Variants in DNAI4 observed in about 807,000 individuals in gnomAD.
DNAI4 encodes WD repeat domain 78.
DNAI4 carries 85 observed loss-of-function variants against 105.8 expected under a neutral mutation model. That is an observed-to-expected ratio of 0.80 (90% CI 0.67 to 0.96). DNAI4 has a LOEUF of 0.96. Among genes scored for constraint, DNAI4 ranks in the 40% least tolerant of loss-of-function variants. DNAI4 has a pLI of 0.00. For synonymous variants in DNAI4, 352 were observed against 331.5 expected (o/e 1.06, Z -0.67); for missense variants, 1,014 against 1,005.6 (o/e 1.01, Z -0.11).
chr1:66,862,837 G>T (rs1269822302), intron 6 of DNAI4, among the ~76,000 whole-genome samples: 1 of 152,164 alleles, frequency 6.6e-6, no homozygotes, highest in African/African-American at 2.4e-5. Context: ...TTGTAGGGCT[G>T]CCTTGGTGAT....
intron 1 of DNAI4, among the ~76,000 whole-genome samples, chr1:66,912,649 C>A (rs916502606): frequency 2.6e-5 from 4 of 152,172 alleles, no homozygotes; most frequent in African/African-American, 7.2e-5. Flanking sequence ...GTGCTCCAAC[C>A]ATCTTCGGCA....
intron 7 of DNAI4, chr1:66,860,794 A>C (rs1004697683): frequency 4.6e-5 from 7 of 152,152 alleles, no homozygotes; most frequent in African/African-American, 1.7e-4. Flanking sequence ...TTCCAGTCTA[A>C]GATTGGATTG....
At chr1:66,887,125 G>A (rs1254091556) in intron 4 of DNAI4, among the ~76,000 whole-genome samples, 1 of 152,128 alleles carries the variant, frequency 6.6e-6, no homozygotes, top group Admixed American at 6.5e-5. Context: ...CCATGTAAGT[G>A]TGGGCCCTCT....
chr1:66,905,233 C>T lies in DNAI4; in HGVS notation c.313G>A (p.Glu105Lys). Residue 105 changes from glutamate (E) to lysine (K), a missense_variant, in exon 2 of 17, where the codon GAA becomes AAA. Coordinates refer to ENST00000371026, the MANE Select transcript of DNAI4 (RefSeq NM_024763.5). ...VLIPPELKTV[E>K]KPNPNIKTTQ... Reference sequence around the variant, plus strand: ...GTCTTTATATTGGGATTTGGTTTTTCTACAGTTTTCAGTTCAGGTGGAATA... The same window carrying T: ...GTCTTTATATTGGGATTTGGTTTTTTTACAGTTTTCAGTTCAGGTGGAATA... 6.4e-7 allele frequency: 1 copy of T among 1,556,748 alleles called. No individual in the cohort carries two copies. The highest frequency in any genetic ancestry group is 2.3e-5 in the East Asian group (1 of 43,910).
chr1:66,852,421 A>G (rs989136126), intron 7 of DNAI4, among the ~76,000 whole-genome samples: 1 of 152,010 alleles, frequency 6.6e-6, no homozygotes, highest in African/African-American at 2.4e-5. Flanking sequence ...GCAAAAAAGA[A>G]AGCTACAAAT....
At chr1:66,877,290 C>A (rs1646977645) in intron 4 of DNAI4, among the ~76,000 whole-genome samples, 2 of 152,158 alleles carry the variant, frequency 1.3e-5, no homozygotes, top group Admixed American at 1.3e-4. Context: ...CATCCAGAGA[C>A]AACCTGTGCA....
intron 7 of DNAI4, among the ~76,000 whole-genome samples, chr1:66,852,268 C>T (rs1055461232): frequency 6.6e-6 from 1 of 151,630 alleles, no homozygotes; most frequent in Non-Finnish European, 1.5e-5. Context: ...AATCACCAAG[C>T]ATGGATGGTT....
chr1:66,830,689 G>C (rs1370479534), intron 13 of DNAI4, among the ~76,000 whole-genome samples: 2 of 151,534 alleles, frequency 1.3e-5, no homozygotes, highest in Admixed American at 1.3e-4. Flanking sequence ...ACTGAGGTGG[G>C]AGAATTGCTT....
rs151131830 is a variant in DNAI4, at chr1:66,846,391, A to G, written c.1291+1093T>C. Among the ~76,000 whole-genome samples the G allele has an allele frequency of 8.5e-5, 13 of 152,298 alleles. No individual in the cohort carries two copies. The South Asian group carries it at 1.4e-3, about 17-fold the overall frequency. On this transcript the variant is annotated intron_variant, in intron 8 of 16. Transcript: ENST00000371026. ...TAATTTTGACTTGAAGAATCAAGAT[A>G]AATTTCATAAAGGAAGTTTCCTTAA... is the stretch of plus-strand genomic sequence containing the variant.
At chr1:66,851,268 T>C (rs1314467261) in intron 7 of DNAI4, among the ~76,000 whole-genome samples, 1 of 151,758 alleles carries the variant, frequency 6.6e-6, no homozygotes, top group Admixed American at 6.6e-5. Context: ...CATTATGTCA[T>C]GATTGTACCA....
intron 16 of DNAI4, among the ~76,000 whole-genome samples, chr1:66,816,295 G>A (rs749015069): frequency 2.5e-4 from 38 of 151,766 alleles, no homozygotes; most frequent in Non-Finnish European, 4.9e-4. Flanking sequence ...TTTCCCTCAC[G>A]TCCCGGGGGC....
At chr1:66,893,121 G>GAAAGAAAC (rs1352348435) in intron 3 of DNAI4, 108 bp downstream of exon 3, 78 of 527,544 alleles carry the variant, frequency 1.5e-4, no homozygotes, top group Non-Finnish European at 1.6e-4. Context: ...AAGAAAGAAA[G>GAAAGAAAC]AAACTGGGAG....
chr1:66,836,193 AAAG>A (rs1645991724), intron 10 of DNAI4, among the ~76,000 whole-genome samples: 3 of 64,218 alleles, frequency 4.7e-5, no homozygotes, highest in African/African-American at 1.7e-4. Flanking sequence ...AGAAAGAAAG[AAAG>A]AAAGAAAGAA....
chr1:66,843,492 TTC>T (rs1269764503), intron 8 of DNAI4, among the ~76,000 whole-genome samples: 3 of 152,234 alleles, frequency 2.0e-5, no homozygotes, highest in Non-Finnish European at 2.9e-5. Context: ...TGTCTTCTTA[TTC>T]TCTTGACAGT....
In DNAI4 at chr1:66,840,526, G is replaced by A. The variant is rs149010922; in HGVS notation, c.1437C>T (p.Ser479=). 3.7e-6 allele frequency: 6 copies of A among 1,614,052 alleles called. No homozygotes were observed. The African/African-American group carries it at 6.7e-5, about 18-fold the overall frequency. The part of the protein sequence containing the change: ...PANLERLWSF[S]CDLTKGLNVS... ...CATTGAGGCCTTTGGTTAAGTCACAGGAAAAAGACCAAAGTCGTTCCAAGT... is the reference window on the plus strand; with the variant it reads ...CATTGAGGCCTTTGGTTAAGTCACAAGAAAAAGACCAAAGTCGTTCCAAGT... Residue 479 remains serine, a synonymous_variant, in exon 9 of 17, where the codon TCC becomes TCT. Transcript: ENST00000371026.
intron 1 of DNAI4, among the ~76,000 whole-genome samples, chr1:66,917,700 A>G (rs529645387): frequency 2.0e-5 from 3 of 152,340 alleles, no homozygotes; most frequent in African/African-American, 7.2e-5. Flanking sequence ...TTTGTTTTTC[A>G]CTACCTGATT....
At chr1:66,908,477 T>C (rs1649420191) in intron 1 of DNAI4, among the ~76,000 whole-genome samples, 2 of 152,218 alleles carry the variant, frequency 1.3e-5, no homozygotes, top group Admixed American at 1.3e-4. Context: ...CTACTGAGAT[T>C]ATTCAAAGTA....
chr1:66,845,218 A>AAAAT (rs1646251720), intron 8 of DNAI4, among the ~76,000 whole-genome samples: 1 of 20,450 alleles, frequency 4.9e-5, no homozygotes. Flanking sequence ...AAGAAAAATT[A>AAAAT]AAAAAAAAAA....
In DNAI4 at chr1:66,892,976, A is replaced by AGAGAGAGAG. The variant is rs1256046825; in HGVS notation, c.530+252_530+253insCTCTCTCTC. Among the ~76,000 whole-genome samples, 77 of 136,670 alleles carry AGAGAGAGAG rather than the reference A, an allele frequency of 5.6e-4. 2 individuals carry two copies. The highest frequency in any genetic ancestry group is 2.3e-3 in the African/African-American group (75 of 32,506). 89.7% of individuals were successfully genotyped at this position (136,670 alleles called of 152,430 possible). On this transcript the variant is annotated intron_variant, in intron 3 of 16. Coordinates refer to ENST00000371026, the MANE Select transcript of DNAI4 (RefSeq NM_024763.5). Reference sequence around the variant, plus strand: ...AAGAAAGAAAGAAAGAAAGAAAGAAAGAAAGAAAGAAAGAAAGAAAGAGAG... The same window carrying AGAGAGAGAG: ...AAGAAAGAAAGAAAGAAAGAAAGAAAGAGAGAGAGGAAAGAAAGAAAGAAAGAAAGAGAG...
Sources: gnomAD v4.1 joint callset for allele counts (sites outside exome capture counted in the v4.1 genomes callset) on GRCh38, gnomAD v4.1.1 for gene constraint, MANE v1.5 for transcripts, NCBI Gene and HGNC (gene_info 2026-07-23, HGNC 2026-07-21) for gene names.